Variants in TMEM132C observed in about 807,000 individuals in gnomAD.
The protein encoded by TMEM132C is protein phosphatase 1, regulatory subunit 152.
A neutral mutation model predicts 61.4 loss-of-function variants in TMEM132C; 29 were observed. The ratio of observed to expected loss-of-function variants is 0.47; its 90% CI spans 0.35 to 0.64. The LOEUF is 0.64. Among genes scored for constraint, TMEM132C ranks in the 30% least tolerant of loss-of-function variants. The pLI, the probability that TMEM132C is intolerant of heterozygous loss-of-function variation, is 0.00. For missense variants in TMEM132C, 1,408 were observed against 1,476.9 expected (o/e 0.95, Z 0.76); for synonymous variants, 656 against 633.1 (o/e 1.04, Z -0.54).
chr12:128,287,630 T>C (rs1224725926), intron 1 of TMEM132C, among the ~76,000 whole-genome samples: 1 of 152,250 alleles, frequency 6.6e-6, no homozygotes, highest in Non-Finnish European at 1.5e-5. Flanking sequence ...GGCAATTCTC[T>C]GATATAATCA....
intron 2 of TMEM132C, among the ~76,000 whole-genome samples, chr12:128,501,391 G>T (rs1451729994): frequency 6.6e-6 from 1 of 152,120 alleles, no homozygotes; most frequent in South Asian, 2.1e-4. Flanking sequence ...CCATCCACCT[G>T]CATCCCTATG....
intron 4 of TMEM132C, among the ~76,000 whole-genome samples, chr12:128,633,098 G>A (rs1285687646): frequency 6.6e-6 from 1 of 152,124 alleles, no homozygotes; most frequent in East Asian, 1.9e-4. Flanking sequence ...TCATCTGAAG[G>A]CTTGACTGGG....
At chr12:128,662,015 A>G (rs1954395975) in intron 4 of TMEM132C, among the ~76,000 whole-genome samples, 1 of 152,172 alleles carries the variant, frequency 6.6e-6, no homozygotes, top group South Asian at 2.1e-4. Context: ...CTAGGGAGGG[A>G]AATTGAGGAT....
At chr12:128,590,235 T>C (rs7316314) in intron 3 of TMEM132C, among the ~76,000 whole-genome samples, 52,444 of 151,942 alleles carry the variant, frequency 0.35, 10,745 homozygotes, top group African/African-American at 0.57. Flanking sequence ...GGAGGCCTGC[T>C]TGAGACTCGG....
At chr12:128,577,180 T>C (rs1265242572) in intron 3 of TMEM132C, among the ~76,000 whole-genome samples, 1 of 152,222 alleles carries the variant, frequency 6.6e-6, no homozygotes, top group Non-Finnish European at 1.5e-5. Context: ...TCATAAAATA[T>C]GTGGTCTTTT....
chr12:128,642,183 G>C (rs1017562235), intron 4 of TMEM132C, among the ~76,000 whole-genome samples: 1 of 151,924 alleles, frequency 6.6e-6, no homozygotes, highest in Non-Finnish European at 1.5e-5. Context: ...CCATGCTGGA[G>C]TGCAGTGGTG....
chr12:128,634,721 A>G (rs1258045795), intron 4 of TMEM132C, among the ~76,000 whole-genome samples: 6 of 152,362 alleles, frequency 3.9e-5, no homozygotes, highest in South Asian at 4.1e-4. Flanking sequence ...CCTTCGTTAC[A>G]GAGAAACAGA....
chr12:128,370,358 G>A (rs1233427272), intron 1 of TMEM132C, among the ~76,000 whole-genome samples: 2 of 152,234 alleles, frequency 1.3e-5, no homozygotes, highest in Non-Finnish European at 2.9e-5. Context: ...TCCTGTATGG[G>A]ACAACATCCT....
At chr12:128,340,279 C>T (rs1208522313) in intron 1 of TMEM132C, among the ~76,000 whole-genome samples, 2 of 152,116 alleles carry the variant, frequency 1.3e-5, no homozygotes, top group African/African-American at 4.8e-5. Context: ...CACCTGATAT[C>T]TCTAGGTTCA....
intron 2 of TMEM132C, among the ~76,000 whole-genome samples, chr12:128,496,792 T>C (rs1045039875): frequency 2.6e-5 from 4 of 152,208 alleles, no homozygotes; most frequent in Non-Finnish European, 4.4e-5. Flanking sequence ...TTCCTTTAGC[T>C]CGGAGAAGTT....
At chr12:128,666,282 G>C (rs1954473495) in intron 4 of TMEM132C, among the ~76,000 whole-genome samples, 1 of 145,216 alleles carries the variant, frequency 6.9e-6, no homozygotes, top group Non-Finnish European at 1.5e-5. Context: ...CACAAACACA[G>C]GCACACACAT....
At chr12:128,336,325 A>G (rs540110308) in intron 1 of TMEM132C, among the ~76,000 whole-genome samples, 1 of 152,342 alleles carries the variant, frequency 6.6e-6, no homozygotes, top group African/African-American at 2.4e-5. Flanking sequence ...CATGGTCATT[A>G]TAGAGCTTTG....
intron 2 of TMEM132C, among the ~76,000 whole-genome samples, chr12:128,427,387 GGTGTGTGTGTGT>G (rs761620460): frequency 5.3e-4 from 70 of 132,258 alleles, no homozygotes; most frequent in Middle Eastern, 4.0e-3. Context: ...CTTCCAAAGG[GGTGTGTGTGTGT>G]GTGTGTGTGT....
intron 1 of TMEM132C, among the ~76,000 whole-genome samples, chr12:128,405,245 C>T (rs368871566): frequency 1.2e-4 from 19 of 152,124 alleles, no homozygotes; most frequent in Admixed American, 9.2e-4. Context: ...CGGGAGAAAA[C>T]ACACGGCAAA....
intron 3 of TMEM132C, among the ~76,000 whole-genome samples, chr12:128,607,371 G>A (rs1283457105): frequency 6.6e-6 from 1 of 152,164 alleles, no homozygotes; most frequent in Non-Finnish European, 1.5e-5. Context: ...AGTGAGATGG[G>A]GAAGCCCTTG....
At chr12:128,422,385 C>T (rs1869020766) in intron 2 of TMEM132C, among the ~76,000 whole-genome samples, 1 of 152,214 alleles carries the variant, frequency 6.6e-6, no homozygotes, top group East Asian at 1.9e-4. Flanking sequence ...GAATGTTTGG[C>T]CTTGTCAGTA....
chr12:128,399,184 CTT>C (rs1875062096), intron 1 of TMEM132C, among the ~76,000 whole-genome samples: 1 of 152,134 alleles, frequency 6.6e-6, no homozygotes. Context: ...GCGGAAGACT[CTT>C]TGGTACACAC....
At chr12:128,450,858 C>A (rs1300426561) in intron 2 of TMEM132C, among the ~76,000 whole-genome samples, 2 of 152,138 alleles carry the variant, frequency 1.3e-5, no homozygotes, top group Admixed American at 1.3e-4. Flanking sequence ...CCTTATTTTT[C>A]TTTTTTATTA....
intron 2 of TMEM132C, among the ~76,000 whole-genome samples, chr12:128,536,636 C>T (rs557812949): frequency 1.8e-4 from 27 of 152,108 alleles, no homozygotes; most frequent in African/African-American, 3.1e-4. Flanking sequence ...ACCTTCCACC[C>T]GCAGTGTTCC....
Sources: allele counts gnomAD v4.1 joint callset (sites outside exome capture counted in the v4.1 genomes callset), GRCh38; gene constraint gnomAD v4.1.1; transcripts MANE v1.5; gene names NCBI Gene and HGNC (gene_info 2026-07-23, HGNC 2026-07-21).